XDH: variants seen among roughly 807,000 people sequenced by gnomAD.
XDH encodes the protein xanthine dehydrogenase.
XDH carries 138 observed loss-of-function variants against 156.1 expected under a neutral mutation model. The ratio of observed to expected loss-of-function variants is 0.88; its 90% CI spans 0.77 to 1.02. The LOEUF is 1.02. XDH is among the 50% of genes least tolerant of loss of function. The pLI, the probability that XDH is intolerant of heterozygous loss-of-function variation, is 0.00. For missense variants in XDH, 1,849 were observed against 1,684.9 expected, an observed-to-expected ratio of 1.10 and a Z score of -1.71; for synonymous variants, 669 against 625.7, an observed-to-expected ratio of 1.07 and a Z score of -1.03.
chr2:31,383,873 T>C (rs1170708081), intron 9 of XDH, 26 bp from the exon 10 acceptor site: 1 of 1,607,160 alleles, frequency 6.2e-7, no homozygotes, highest in South Asian at 1.1e-5. Context: ...AAGCTGAAGT[T>C]GTAGGCCCAT....
chr2:31,400,952 C>A (rs1416336202), intron 4 of XDH, among the ~76,000 whole-genome samples: 1 of 152,210 alleles, frequency 6.6e-6, no homozygotes, highest in Non-Finnish European at 1.5e-5. Context: ...GGTCTAGCCA[C>A]CAGATTCAGT....
Position 31,337,580 on chromosome 2 carries a change from C to A in XDH, c.3951+61G>T, listed in dbSNP as rs550314178. Reference sequence around the variant, plus strand: ...TCTCCTCTGTGCAGAACCTTCCCTGCAGTTTGCCAGCCTATCCCTGGCCTC... The same window carrying A: ...TCTCCTCTGTGCAGAACCTTCCCTGAAGTTTGCCAGCCTATCCCTGGCCTC... On this transcript the variant is annotated intron_variant, in intron 35 of 35. Coordinates refer to ENST00000379416, the MANE Select transcript of XDH (RefSeq NM_000379.4). 3.7e-5 allele frequency: 59 copies of A among 1,611,332 alleles called. No homozygotes were observed. The South Asian group carries it at 5.9e-4, about 16-fold the overall frequency.
chr2:31,397,154 TCTCA>T (rs927939869), intron 6 of XDH, among the ~76,000 whole-genome samples: 1 of 152,332 alleles, frequency 6.6e-6, no homozygotes, highest in African/African-American at 2.4e-5. Context: ...GGCTGTGACT[TCTCA>T]CTCAGAGTTA....
At chr2:31,401,113 G>T in intron 4 of XDH, 107 bp downstream of exon 4, 1 of 1,269,252 alleles carries the variant, frequency 7.9e-7, no homozygotes, top group Non-Finnish European at 1.1e-6. Context: ...AGATTAAGCA[G>T]TGAAACTCTT....
In XDH at chr2:31,372,486, A is replaced by G. The variant is rs527547300; in HGVS notation, c.1687-89T>C. ...GGGACACTGGTGAGCTTCATGCTAC[A>G]TGGCAAAGGACACCAAGGGGTAAGA... is the stretch of plus-strand genomic sequence containing the variant. On this transcript the variant is annotated intron_variant, in intron 16 of 35. Coordinates refer to ENST00000379416, the MANE Select transcript of XDH (RefSeq NM_000379.4). 2.8e-4 allele frequency: 440 copies of G among 1,567,814 alleles called. 4 individuals are homozygous for G. In the South Asian group the frequency reaches 4.6e-3, roughly 16 times the overall value.
At chr2:31,390,549 C>G (rs1292385776) in intron 6 of XDH, among the ~76,000 whole-genome samples, 4 of 152,192 alleles carry the variant, frequency 2.6e-5, no homozygotes, top group African/African-American at 9.7e-5. Context: ...CACTGAGGTG[C>G]ATGATAAGAC....
chr2:31,383,249 G>A (rs1340788452), intron 10 of XDH, 97 bp from the exon 11 acceptor site: 56 of 1,574,744 alleles, frequency 3.6e-5, no homozygotes, highest in Non-Finnish European at 4.7e-5. Flanking sequence ...ACTGGAGCAA[G>A]GCTGAATCAG....
intron 24 of XDH, 35 bp from the exon 25 acceptor site, chr2:31,350,258 T>C: frequency 2.5e-6 from 4 of 1,611,858 alleles, no homozygotes; most frequent in Non-Finnish European, 3.4e-6. Context: ...GAGAGAACAG[T>C]GTACTGATTG....
intron 9 of XDH, among the ~76,000 whole-genome samples, chr2:31,385,140 TGGTG>T (rs1686551989): frequency 6.6e-6 from 1 of 152,084 alleles, no homozygotes; most frequent in Non-Finnish European, 1.5e-5. Context: ...AGGTGAGCTA[TGGTG>T]ACATTGCACC....
intron 3 of XDH, among the ~76,000 whole-genome samples, chr2:31,402,231 T>C (rs1687079207): frequency 6.6e-6 from 1 of 152,208 alleles, no homozygotes; most frequent in South Asian, 2.1e-4. Context: ...CTAGGGACTT[T>C]CCAGTGGGAT....
At chr2:31,350,972 C>T (rs2148757435) in intron 24 of XDH, among the ~76,000 whole-genome samples, 1 of 152,270 alleles carries the variant, frequency 6.6e-6, no homozygotes, top group East Asian at 1.9e-4. Flanking sequence ...AGCTTATCAT[C>T]TATCAGCTAT....
At position 31,379,869 on chromosome 2, in the gene XDH, C is replaced by T; in HGVS notation, c.1240G>A (p.Glu414Lys). 1.9e-6 allele frequency: 3 copies of T among 1,614,084 alleles called. No homozygotes were observed. Among genetic ancestry groups the T allele is most frequent in the Admixed American group, 1.7e-5 (1 of 60,028 alleles). ...LLSIEIPYSR[E>K]GEYFSAFKQA... The stretch of plus-strand genomic sequence containing the variant: ...TGGAACCACTTCCAACATCTCACCT[C>T]CCTGCTGTAGGGGATCTCTATGGAG... The change falls in exon 13 of 36, where the codon GAG becomes AAG. Residue 414 changes from glutamate (E) to lysine (K), a missense_variant and splice_region_variant. Transcript: ENST00000379416.
Position 31,352,076 on chromosome 2 carries a change from C to T in XDH, c.2632-1853G>A, listed in dbSNP as rs187102782. On this transcript the variant is annotated intron_variant, in intron 24 of 35. Transcript: ENST00000379416. ...TTTTTTGAATTATTGATAGCTTCCC[C>T]TTCTCTGTTTTTTCCATTCTTTCTT... Among the ~76,000 whole-genome samples the T allele has an allele frequency of 3.4e-3, 520 of 152,220 alleles. 4 individuals carry two copies. The highest frequency in any genetic ancestry group is 0.012 in the African/African-American group (494 of 41,562).
intron 14 of XDH, 35 bp downstream of exon 14, chr2:31,377,018 A>G: frequency 6.2e-7 from 1 of 1,612,886 alleles, no homozygotes; most frequent in South Asian, 1.1e-5. Context: ...TAGCAGCAAC[A>G]TTAGCAGCAG....
rs199592824 is a variant in XDH, at chr2:31,380,321, G to A, written c.1133-345C>T. 3.9e-5 allele frequency among the ~76,000 whole-genome samples: 6 copies of A among 152,288 alleles called. No individual in the cohort carries two copies. In the South Asian group the frequency reaches 6.2e-4, roughly 16 times the overall value. On this transcript the variant is annotated intron_variant, in intron 12 of 35. Coordinates refer to ENST00000379416, the MANE Select transcript of XDH (RefSeq NM_000379.4). ...CAGGAAAGAGTTAGCACAGCAACCC[G>A]GACTGCTGTCCTCTGTAGGGGTTGC... is the stretch of plus-strand genomic sequence containing the variant.
chr2:31,345,702 T>C (rs541307574), intron 30 of XDH, among the ~76,000 whole-genome samples: 2 of 152,220 alleles, frequency 1.3e-5, no homozygotes, highest in South Asian at 4.2e-4. Context: ...TGTGCACGCA[T>C]GCTTGTGTGC....
intron 13 of XDH, 51 bp from the exon 14 acceptor site, chr2:31,377,288 G>C (rs368730927): frequency 1.2e-6 from 2 of 1,608,484 alleles, no homozygotes; most frequent in African/African-American, 2.7e-5. Flanking sequence ...TGTAGGGGCT[G>C]CAAATGGCAG....
intron 24 of XDH, among the ~76,000 whole-genome samples, chr2:31,363,237 G>A (rs1056467755): frequency 4.6e-5 from 7 of 152,320 alleles, no homozygotes; most frequent in South Asian, 2.1e-4. Context: ...GCTTGAAGCT[G>A]GAGGCAGAGG....
At chr2:31,401,955 A>G (rs1456011862) in intron 3 of XDH, among the ~76,000 whole-genome samples, 2 of 152,228 alleles carry the variant, frequency 1.3e-5, no homozygotes, top group African/African-American at 2.4e-5. Flanking sequence ...ATAAGATGAA[A>G]GCTCTGCCCT....
Sources: allele counts gnomAD v4.1 joint callset (sites outside exome capture counted in the v4.1 genomes callset), GRCh38; gene constraint gnomAD v4.1.1; transcripts MANE v1.5; gene names NCBI Gene and HGNC (gene_info 2026-07-23, HGNC 2026-07-21).